The following IFT25 variants were observed in gnomAD, a reference collection of about 807,000 sequenced individuals.
IFT25 encodes intraflagellar transport protein 25 homolog.
At chr1:53,932,024 T>C in the IFT25 span, among the ~76,000 whole-genome samples, 7 of 152,224 alleles carry the variant, frequency 4.6e-5, no homozygotes, top group Non-Finnish European at 1.0e-4. Flanking sequence ...CCTACAAATT[T>C]GGTATGTTAC....
At chr1:53,916,882 C>T in the IFT25 span, 1 of 393,122 alleles carries the variant, frequency 2.5e-6, no homozygotes. Flanking sequence ...TGGCTCACAC[C>T]TGTAATCCCA....
At chr1:53,920,110 CTCTAAT>C in the IFT25 span, among the ~76,000 whole-genome samples, 12 of 152,116 alleles carry the variant, frequency 7.9e-5, no homozygotes, top group African/African-American at 1.9e-4. Flanking sequence ...AATGATGATT[CTCTAAT>C]TCTATCATAT....
chr1:53,923,554 T>C, the IFT25 span: 1 of 219,930 alleles, frequency 4.5e-6, no homozygotes, highest in East Asian at 1.3e-4. Flanking sequence ...TAAATTAACA[T>C]TCAATTTTGG....
At chr1:53,932,648 T>C in the IFT25 span, among the ~76,000 whole-genome samples, 2,063 of 152,342 alleles carry the variant, frequency 0.014, 53 homozygotes, top group African/African-American at 0.046. Flanking sequence ...CACTGCAGCA[T>C]TGACGTCCTG....
the IFT25 span, among the ~76,000 whole-genome samples, chr1:53,920,815 A>C: frequency 6.6e-6 from 1 of 152,000 alleles, no homozygotes; most frequent in Admixed American, 6.6e-5. Flanking sequence ...TTTATCTCAA[A>C]AACAACAACA....
the IFT25 span, among the ~76,000 whole-genome samples, chr1:53,942,106 G>C: frequency 5.5e-3 from 844 of 152,228 alleles, 4 homozygotes; most frequent in African/African-American, 0.019. Flanking sequence ...ACACAAAGCT[G>C]GGATGTCAGC....
chr1:53,941,882 A>T, the IFT25 span, among the ~76,000 whole-genome samples: 1 of 152,208 alleles, frequency 6.6e-6, no homozygotes, highest in East Asian at 1.9e-4. Flanking sequence ...ACAAAGCTTC[A>T]GACAAAGCTT....
chr1:53,915,421 GC>G, the IFT25 span, among the ~76,000 whole-genome samples: 488 of 152,202 alleles, frequency 3.2e-3, 5 homozygotes, highest in African/African-American at 0.011. Flanking sequence ...AGGTGGCACT[GC>G]CCTCATCTTT....
the IFT25 span, among the ~76,000 whole-genome samples, chr1:53,914,075 C>G: frequency 2.0e-5 from 3 of 152,246 alleles, no homozygotes; most frequent in Non-Finnish European, 2.9e-5. Flanking sequence ...CTGCCTGATT[C>G]TCTCCAGCTC....
At chr1:53,927,274 T>C in the IFT25 span, among the ~76,000 whole-genome samples, 2 of 152,252 alleles carry the variant, frequency 1.3e-5, no homozygotes, top group Non-Finnish European at 2.9e-5. Flanking sequence ...TGACCAGAAA[T>C]GAGCTGGCCT....
the IFT25 span, among the ~76,000 whole-genome samples, chr1:53,938,401 T>C: frequency 6.6e-6 from 1 of 152,094 alleles, no homozygotes; most frequent in South Asian, 2.1e-4. Flanking sequence ...AAAAGTAAGG[T>C]AACAGAGGTA....
the IFT25 span, among the ~76,000 whole-genome samples, chr1:53,925,541 TGTAGTCC>T: frequency 6.6e-6 from 1 of 151,416 alleles, no homozygotes; most frequent in East Asian, 1.9e-4. Flanking sequence ...GGCGGGCACC[TGTAGTCC>T]CAGTTACTCG....
At chr1:53,940,654 G>A in the IFT25 span, among the ~76,000 whole-genome samples, 3 of 152,238 alleles carry the variant, frequency 2.0e-5, no homozygotes, top group East Asian at 5.8e-4. Flanking sequence ...AAGTCTTAAT[G>A]TCTGGCAAGG....
At chr1:53,911,585 T>C in the IFT25 span, among the ~76,000 whole-genome samples, 30 of 152,272 alleles carry the variant, frequency 2.0e-4, no homozygotes, top group Admixed American at 5.2e-4. Context: ...CTTTCAGATA[T>C]GTTATCTCAT....
the IFT25 span, among the ~76,000 whole-genome samples, chr1:53,930,598 C>A: frequency 6.6e-6 from 1 of 152,048 alleles, no homozygotes; most frequent in South Asian, 2.1e-4. Flanking sequence ...TGCATAAGTT[C>A]ATTCACTTTC....
At chr1:53,938,071 G>A in the IFT25 span, among the ~76,000 whole-genome samples, 1 of 152,170 alleles carries the variant, frequency 6.6e-6, no homozygotes, top group Non-Finnish European at 1.5e-5. Flanking sequence ...TTTTGAGCAA[G>A]TCATTTTTAT....
chr1:53,927,101 A>G, the IFT25 span, among the ~76,000 whole-genome samples: 4 of 152,152 alleles, frequency 2.6e-5, no homozygotes, highest in Non-Finnish European at 4.4e-5. Flanking sequence ...CATTTCTTAT[A>G]GATTGGAAAT....
chr1:53,940,070 C>G, the IFT25 span: 4 of 1,598,602 alleles, frequency 2.5e-6, no homozygotes, highest in Non-Finnish European at 3.4e-6. Context: ...AGACAGAGAT[C>G]AATTTTTCTC....
At chr1:53,917,817 A>G in the IFT25 span, among the ~76,000 whole-genome samples, 1 of 151,968 alleles carries the variant, frequency 6.6e-6, no homozygotes, top group Non-Finnish European at 1.5e-5. Context: ...ACAAGAGAGA[A>G]ACTCCGTCTC....
Sources: gnomAD v4.1 joint callset for allele counts (sites outside exome capture counted in the v4.1 genomes callset) on GRCh38, gnomAD v4.1.1 for gene constraint, MANE v1.5 for transcripts, NCBI Gene and HGNC (gene_info 2026-07-23, HGNC 2026-07-21) for gene names.